TSHZ1: variants seen among roughly 807,000 people sequenced by gnomAD.
TSHZ1 encodes the protein teashirt zinc finger homeobox 1, also known as teashirt homolog 1.
TSHZ1 carries 12 observed loss-of-function variants against 67.1 expected under a neutral mutation model. The ratio of observed to expected loss-of-function variants is 0.18; its 90% CI spans 0.11 to 0.29. The LOEUF (loss-of-function observed/expected upper bound fraction) is 0.29, where lower values mean the gene tolerates loss of function less well. Among genes scored for constraint, TSHZ1 ranks in the 10% least tolerant of loss-of-function variants. The pLI is 1.00. For missense variants in TSHZ1, 1,305 were observed against 1,413.9 expected (o/e 0.92, Z 1.23); for synonymous variants, 632 against 622.4 (o/e 1.02, Z -0.23).
intron 1 of TSHZ1, among the ~76,000 whole-genome samples, chr18:75,238,714 T>C (rs988337797): frequency 4.6e-5 from 7 of 152,038 alleles, no homozygotes; most frequent in African/African-American, 1.7e-4. Flanking sequence ...TGCAAAATCA[T>C]GAATGCAAAA....
At chr18:75,250,390 C>A (rs1053531828) in intron 1 of TSHZ1, among the ~76,000 whole-genome samples, 1 of 152,238 alleles carries the variant, frequency 6.6e-6, no homozygotes, top group African/African-American at 2.4e-5. Context: ...CTTTGCCTCC[C>A]CCTGTGGGCT....
chr18:75,248,853 G>A (rs892749600), intron 1 of TSHZ1, among the ~76,000 whole-genome samples: 1 of 152,244 alleles, frequency 6.6e-6, no homozygotes, highest in African/African-American at 2.4e-5. Flanking sequence ...AGTCTTGTGT[G>A]GGGGAACGGT....
chr18:75,250,000 C>T (rs1462102841), intron 1 of TSHZ1, among the ~76,000 whole-genome samples: 3 of 150,356 alleles, frequency 2.0e-5, no homozygotes, highest in Non-Finnish European at 4.4e-5. Context: ...CTCCTCATCT[C>T]ACCCCTGCAG....
intron 1 of TSHZ1, among the ~76,000 whole-genome samples, chr18:75,250,593 G>A (rs1288730404): frequency 2.0e-5 from 3 of 152,202 alleles, no homozygotes; most frequent in Non-Finnish European, 2.9e-5. Context: ...AGTGCCCATG[G>A]CAGCACCTGC....
intron 1 of TSHZ1, among the ~76,000 whole-genome samples, chr18:75,238,475 T>C (rs9945965): frequency 6.6e-6 from 1 of 152,050 alleles, no homozygotes; most frequent in South Asian, 2.1e-4. Context: ...ATGGATGATA[T>C]CTGGTTTGTT....
chr18:75,285,937 C>G lies in TSHZ1; in HGVS notation c.530C>G (p.Thr177Ser), dbSNP rs765912311. 5 of 1,555,006 alleles carry G rather than the reference C, an allele frequency of 3.2e-6. No individual in the cohort carries two copies. In the East Asian group the frequency reaches 9.7e-5, roughly 30 times the overall value. Residue 177 changes from threonine (T) to serine (S), a missense_variant, in exon 2 of 2, where the codon ACC (threonine) becomes AGC (serine). This residue lies in a region of TSHZ1 where 358 missense variants were observed against 375.6 expected (regional missense o/e 0.95). Transcript: ENST00000580243. ...GGCCCCACCACGAGCACGCCCAGCA[C>G]CAGCTGCAGCTCCAGCACCAGCCAC... ...TTGPTTSTPS[T>S]SCSSSTSHSS... is the part of the protein sequence containing the mutation.
intron 1 of TSHZ1, among the ~76,000 whole-genome samples, chr18:75,246,212 G>C (rs2023219890): frequency 6.6e-6 from 1 of 152,216 alleles, no homozygotes; most frequent in Admixed American, 6.5e-5. Flanking sequence ...TTCTTTGGAA[G>C]GAAATTGGCC....
rs554581103 is a variant in TSHZ1 at position 75,281,849 on chromosome 18, G to C, written c.41-3599G>C. ...GTGCGGGCAGGGAGAGCCCGAACCT[G>C]TGGGGGCCCAGCCTTCACCCTGGTC... is the stretch of plus-strand genomic sequence containing the variant. On this transcript the variant is annotated intron_variant, in intron 1 of 1. Transcript: ENST00000580243. This position sits in a 1 kb window ranked among gnomAD's most constrained non-coding sequence, Gnocchi z 5.3. Among the ~76,000 whole-genome samples, 1 of 152,120 alleles carries C rather than the reference G, an allele frequency of 6.6e-6. No individual in the cohort carries two copies. Among genetic ancestry groups the C allele is most frequent in the East Asian group, 1.9e-4 (1 of 5,174 alleles).
chr18:75,271,709 T>A (rs2023559738), intron 1 of TSHZ1, among the ~76,000 whole-genome samples: 1 of 152,068 alleles, frequency 6.6e-6, no homozygotes, highest in South Asian at 2.1e-4. Context: ...CCCCCTCTTC[T>A]TTTTTCTTGC....
At chr18:75,212,214 G>A (rs796179767) in intron 1 of TSHZ1, among the ~76,000 whole-genome samples, 12 of 152,330 alleles carry the variant, frequency 7.9e-5, no homozygotes, top group African/African-American at 2.9e-4. Flanking sequence ...GGCTACCTCA[G>A]GAGGGGGCGT....
rs148454421 is a variant in TSHZ1 at position 75,235,383 on chromosome 18, C to T, written c.40+23467C>T. ...TGACCTCAACATCAAAACTTCCCAGCTCTATACCTGCAGAGAGGGTGTGTC... is the reference window on the plus strand; with the variant it reads ...TGACCTCAACATCAAAACTTCCCAGTTCTATACCTGCAGAGAGGGTGTGTC... On this transcript the variant is annotated intron_variant, in intron 1 of 1. Transcript: ENST00000580243. Among the ~76,000 whole-genome samples the T allele has an allele frequency of 3.3e-5, 5 of 152,268 alleles. No individual in the cohort carries two copies. In the East Asian group the frequency reaches 9.6e-4, roughly 29 times the overall value.
intron 1 of TSHZ1, among the ~76,000 whole-genome samples, chr18:75,239,061 G>C (rs1183540744): frequency 6.6e-6 from 1 of 152,256 alleles, no homozygotes. Context: ...GGCCACGCAA[G>C]ATGGGAGGTG....
chr18:75,223,034 T>C (rs1371323627), intron 1 of TSHZ1, among the ~76,000 whole-genome samples: 6 of 152,208 alleles, frequency 3.9e-5, no homozygotes, highest in Non-Finnish European at 7.3e-5. Flanking sequence ...TATTCTGTGG[T>C]ACACCTCCCT....
intron 1 of TSHZ1, among the ~76,000 whole-genome samples, chr18:75,224,809 T>G (rs111297387): frequency 6.6e-6 from 1 of 152,122 alleles, no homozygotes; most frequent in Non-Finnish European, 1.5e-5. Flanking sequence ...CTTTGTTCTT[T>G]CATTAATCTC....
At position 75,281,105 on chromosome 18, in the gene TSHZ1, C is replaced by T. The variant is rs1348595317; in HGVS notation, c.41-4343C>T. On this transcript the variant is annotated intron_variant, in intron 1 of 1. Coordinates refer to ENST00000580243, the MANE Select transcript of TSHZ1 (RefSeq NM_001308210.2). This position sits in a 1 kb window ranked among gnomAD's most constrained non-coding sequence, Gnocchi z 5.3. The stretch of plus-strand genomic sequence containing the variant: ...GACACGCAGCTTCAGCAAAGGCTTG[C>T]ACTCAGGGTTGTCGGGAGCACAGCG... Among the ~76,000 whole-genome samples the T allele has an allele frequency of 6.6e-6, 1 of 152,166 alleles. No individual in the cohort carries two copies.
At chr18:75,247,709 C>T (rs538216539) in intron 1 of TSHZ1, among the ~76,000 whole-genome samples, 16 of 152,214 alleles carry the variant, frequency 1.1e-4, no homozygotes, top group Non-Finnish European at 2.1e-4. Flanking sequence ...AAGGGAGAGA[C>T]GGAGGAGCAG....
At chr18:75,229,246 C>T (rs979121252) in intron 1 of TSHZ1, among the ~76,000 whole-genome samples, 5 of 152,242 alleles carry the variant, frequency 3.3e-5, no homozygotes, top group Non-Finnish European at 5.9e-5. Context: ...GCTTGCACTG[C>T]AGAGCCTAAA....
intron 1 of TSHZ1, among the ~76,000 whole-genome samples, chr18:75,250,131 C>A (rs975334101): frequency 6.7e-6 from 1 of 149,880 alleles, no homozygotes; most frequent in Non-Finnish European, 1.5e-5. Flanking sequence ...CCGTCTGACC[C>A]CTGCAGTAGG....
intron 1 of TSHZ1, among the ~76,000 whole-genome samples, chr18:75,227,935 C>G (rs1321509635): frequency 6.6e-6 from 1 of 152,220 alleles, no homozygotes. Context: ...GTCACGTTCC[C>G]CATTTTGCAG....
Sources: gnomAD v4.1 joint callset for allele counts (sites outside exome capture counted in the v4.1 genomes callset) on GRCh38, gnomAD v4.1.1 for gene constraint, gnomAD v4.1.1 regional missense constraint, Gnocchi (gnomAD v3.1) non-coding constraint, MANE v1.5 for transcripts, NCBI Gene and HGNC (gene_info 2026-07-23, HGNC 2026-07-21) for gene names.